Variants in MYO5B observed in about 807,000 individuals in gnomAD.
MYO5B encodes myosin VB.
A neutral mutation model predicts 229.3 loss-of-function variants in MYO5B; 143 were observed. The observed-to-expected ratio is 0.62, with a 90% confidence interval of 0.54 to 0.72. The LOEUF is 0.72. Ranked by LOEUF, MYO5B falls within the 30% of genes least tolerant of loss-of-function variation. The pLI, the probability that MYO5B is intolerant of heterozygous loss-of-function variation, is 0.00. For missense variants in MYO5B, 2,321 were observed against 2,331.0 expected, an observed-to-expected ratio of 1.00 and a Z score of 0.09; for synonymous variants, 918 against 885.2, an observed-to-expected ratio of 1.04 and a Z score of -0.66.
chr18:50,011,384 A>G (rs566345619), intron 4 of MYO5B, among the ~76,000 whole-genome samples: 3 of 152,138 alleles, frequency 2.0e-5, no homozygotes, highest in African/African-American at 7.2e-5. Flanking sequence ...TTGTGATTAT[A>G]ACTGCTACCC....
intron 27 of MYO5B, among the ~76,000 whole-genome samples, chr18:49,870,446 AT>A (rs1439391239): frequency 6.6e-6 from 1 of 152,242 alleles, no homozygotes; most frequent in Non-Finnish European, 1.5e-5. Flanking sequence ...CTTCATGAAA[AT>A]TTAAACATTT....
intron 21 of MYO5B, among the ~76,000 whole-genome samples, chr18:49,899,393 G>C (rs2024815895): frequency 6.6e-6 from 1 of 152,158 alleles, no homozygotes; most frequent in Non-Finnish European, 1.5e-5. Flanking sequence ...ATTTGACACT[G>C]GGTCACACTC....
At chr18:49,948,462 G>A (rs2025398798) in intron 14 of MYO5B, among the ~76,000 whole-genome samples, 1 of 152,128 alleles carries the variant, frequency 6.6e-6, no homozygotes, top group South Asian at 2.1e-4. Context: ...ATATTGTTTT[G>A]TCAACTAAAA....
rs894801414 is a variant in MYO5B, at chr18:49,873,654, G to A, written c.3538-1422C>T. On this transcript the variant is annotated intron_variant, in intron 26 of 39. Transcript: ENST00000285039. ...TGTAGCATGGATTTGCCATGTGTCCGTGGATGATATTGAGTACATTACATT... is the reference window on the plus strand; with the variant it reads ...TGTAGCATGGATTTGCCATGTGTCCATGGATGATATTGAGTACATTACATT... 5.9e-5 allele frequency among the ~76,000 whole-genome samples: 9 copies of A among 152,344 alleles called. No homozygotes were observed. In the South Asian group the frequency reaches 6.2e-4, roughly 11 times the overall value.
chr18:49,947,696 C>G (rs577818058), intron 14 of MYO5B, among the ~76,000 whole-genome samples: 1 of 152,122 alleles, frequency 6.6e-6, no homozygotes, highest in African/African-American at 2.4e-5. Flanking sequence ...TTGTCCCCTT[C>G]GAACTCAAAC....
At chr18:49,838,649 T>C (rs185466802) in intron 36 of MYO5B, among the ~76,000 whole-genome samples, 27 of 152,324 alleles carry the variant, frequency 1.8e-4, no homozygotes, top group Non-Finnish European at 3.5e-4. Context: ...TTTCTTCCGA[T>C]TGAAAATGTA....
chr18:50,062,575 T>C (rs73446619), intron 1 of MYO5B, among the ~76,000 whole-genome samples: 2,102 of 152,296 alleles, frequency 0.014, 47 homozygotes, highest in African/African-American at 0.045. Context: ...TGGGACACAC[T>C]CCACTCTTTT....
chr18:49,829,195 C>T (rs1189409692), intron 39 of MYO5B, among the ~76,000 whole-genome samples: 1 of 151,618 alleles, frequency 6.6e-6, no homozygotes, highest in Non-Finnish European at 1.5e-5. Flanking sequence ...TCTCCTGCCT[C>T]AGCCCCCCAA....
chr18:49,832,796 T>G (rs2023938977), intron 39 of MYO5B, among the ~76,000 whole-genome samples: 1 of 152,184 alleles, frequency 6.6e-6, no homozygotes, highest in Non-Finnish European at 1.5e-5. Context: ...GAGAGAAGTT[T>G]AAAGGAGAGA....
chr18:49,856,996 A>G (rs2024270920), intron 29 of MYO5B, 106 bp from the exon 30 acceptor site: 2 of 942,830 alleles, frequency 2.1e-6, no homozygotes. Context: ...TTGGAAACGA[A>G]AAAAAGGCAA....
At chr18:50,095,627 G>A (rs759576192) in intron 1 of MYO5B, among the ~76,000 whole-genome samples, 13 of 152,208 alleles carry the variant, frequency 8.5e-5, no homozygotes, top group Non-Finnish European at 1.2e-4. Context: ...GAGCATGTGT[G>A]AGCCTAGCTG....
At chr18:49,858,495 A>G (rs113588982) in intron 29 of MYO5B, among the ~76,000 whole-genome samples, 1,538 of 152,236 alleles carry the variant, frequency 0.01, 15 homozygotes, top group Non-Finnish European at 0.012. Flanking sequence ...ACCTTGAACT[A>G]AAGCTCCTTT....
intron 16 of MYO5B, among the ~76,000 whole-genome samples, chr18:49,935,517 A>G (rs900459806): frequency 2.0e-5 from 3 of 152,254 alleles, no homozygotes; most frequent in Non-Finnish European, 2.9e-5. Context: ...ACAAAGACCA[A>G]TGAAAGAGGA....
At chr18:50,029,172 A>G (rs2026362731) in intron 4 of MYO5B, among the ~76,000 whole-genome samples, 1 of 152,222 alleles carries the variant, frequency 6.6e-6, no homozygotes, top group Admixed American at 6.5e-5. Context: ...CCATCTAAGG[A>G]TCAAAAACAA....
Position 49,937,352 on chromosome 18 carries a change from G to C in MYO5B, c.1798C>G (p.Pro600Ala). 1 of 1,614,106 alleles carries C rather than the reference G, an allele frequency of 6.2e-7. No homozygotes were observed. The highest frequency in any genetic ancestry group is 8.5e-7 in the Non-Finnish European group (1 of 1,179,954). Residue 600 changes from proline to alanine, a missense_variant, in exon 15 of 40, where the codon CCT (proline) becomes GCT (alanine). Around this residue, in one of 2 missense-constraint regions of MYO5B, gnomAD observed 2,113 missense variants for 2,044.7 expected, o/e 1.03. Transcript: ENST00000285039. ...GACCCCTTCCCAGGGGTGGTGGCAGGAACAGGGTCCTTGTCATCATGAAAC... is the reference window on the plus strand; with the variant it reads ...GACCCCTTCCCAGGGGTGGTGGCAGCAACAGGGTCCTTGTCATCATGAAAC... ...DLFHDDKDPV[P>A]ATTPGKGSSS...
intron 22 of MYO5B, among the ~76,000 whole-genome samples, chr18:49,892,469 G>A (rs1042513754): frequency 2.6e-5 from 4 of 152,132 alleles, no homozygotes; most frequent in African/African-American, 7.2e-5. Flanking sequence ...TACGACACTC[G>A]CTGCCTTTGC....
intron 22 of MYO5B, among the ~76,000 whole-genome samples, chr18:49,894,471 C>G (rs1040404677): frequency 3.9e-5 from 6 of 152,140 alleles, no homozygotes; most frequent in Admixed American, 3.9e-4. Flanking sequence ...AATAAGCCCA[C>G]CAGGGTGGGT....
intron 32 of MYO5B, 152 bp downstream of exon 32, chr18:49,849,415 T>C (rs1405377359): frequency 1.3e-6 from 1 of 759,024 alleles, no homozygotes; most frequent in African/African-American, 1.7e-5. Context: ...GCTCATGGGA[T>C]CCAACTTCTA....
chr18:49,962,691 T>TG (rs2025573693), intron 11 of MYO5B, among the ~76,000 whole-genome samples: 1 of 264 alleles, frequency 3.8e-3, no homozygotes, highest in Admixed American at 0.042. Context: ...TTAAATACCC[T>TG]AACACCTACG....
Sources: allele counts gnomAD v4.1 joint callset (sites outside exome capture counted in the v4.1 genomes callset), GRCh38; gene constraint gnomAD v4.1.1; regional missense constraint gnomAD v4.1.1; transcripts MANE v1.5; gene names NCBI Gene and HGNC (gene_info 2026-07-23, HGNC 2026-07-21).